IFT56: variants seen among roughly 807,000 people sequenced by gnomAD.
The protein encoded by IFT56 is intraflagellar transport 56.
At chr7:139,189,483 A>G in the IFT56 span, 2 of 1,272,928 alleles carry the variant, frequency 1.6e-6, no homozygotes, top group Non-Finnish European at 2.3e-6. Flanking sequence ...TAAAACTGGA[A>G]ATCATTTTCA....
At chr7:139,160,667 A>C in the IFT56 span, among the ~76,000 whole-genome samples, 2 of 152,032 alleles carry the variant, frequency 1.3e-5, no homozygotes, top group Admixed American at 1.3e-4. Flanking sequence ...CGATCTGTTG[A>C]CTTTGTGATC....
the IFT56 span, chr7:139,181,086 T>C: frequency 1.3e-6 from 2 of 1,572,358 alleles, no homozygotes; most frequent in East Asian, 4.5e-5. Flanking sequence ...TTGTTTCCTT[T>C]TGCAGATATT....
the IFT56 span, among the ~76,000 whole-genome samples, chr7:139,175,890 C>G: frequency 1.3e-4 from 20 of 152,190 alleles, no homozygotes; most frequent in Admixed American, 5.2e-4. Flanking sequence ...AATGCGGTGG[C>G]ATGATTTCGG....
At chr7:139,186,069 G>A in the IFT56 span, among the ~76,000 whole-genome samples, 1 of 152,060 alleles carries the variant, frequency 6.6e-6, no homozygotes, top group Non-Finnish European at 1.5e-5. Context: ...CATAAAGAGA[G>A]TTGCCCAGCA....
At chr7:139,166,756 C>A in the IFT56 span, 1 of 711,200 alleles carries the variant, frequency 1.4e-6, no homozygotes, top group Non-Finnish European at 2.5e-6. Flanking sequence ...TATTTAAGTA[C>A]TGAAGGATCT....
At chr7:139,134,003 G>C in the IFT56 span, 1 of 988,800 alleles carries the variant, frequency 1.0e-6, no homozygotes, top group East Asian at 2.4e-5. Context: ...ACGGGGGACA[G>C]GGATGCAACT....
the IFT56 span, among the ~76,000 whole-genome samples, chr7:139,188,808 T>A: frequency 9.2e-5 from 14 of 152,384 alleles, no homozygotes; most frequent in Non-Finnish European, 1.8e-4. Context: ...ATTTTATTCA[T>A]GTATTATTTT....
the IFT56 span, chr7:139,169,431 T>C: frequency 7.8e-7 from 1 of 1,290,256 alleles, no homozygotes; most frequent in South Asian, 1.2e-5. Flanking sequence ...TGATTCTCTG[T>C]CTAGGGATGT....
chr7:139,175,554 A>T, the IFT56 span, among the ~76,000 whole-genome samples: 1 of 152,216 alleles, frequency 6.6e-6, no homozygotes, highest in Non-Finnish European at 1.5e-5. Flanking sequence ...CATAAAAAGG[A>T]TGAGATGAGA....
the IFT56 span, chr7:139,160,885 C>A: frequency 8.3e-7 from 1 of 1,203,326 alleles, no homozygotes; most frequent in Non-Finnish European, 1.2e-6. Context: ...ACCATTGTGT[C>A]AATATGTGGT....
At chr7:139,172,975 G>A in the IFT56 span, 2 of 727,908 alleles carry the variant, frequency 2.7e-6, no homozygotes, top group Non-Finnish European at 5.2e-6. Flanking sequence ...CTTGGGCTGA[G>A]GTGAGGTGCT....
At chr7:139,178,712 T>C in the IFT56 span, 8 of 908,314 alleles carry the variant, frequency 8.8e-6, no homozygotes, top group Non-Finnish European at 1.4e-5. Context: ...TCCTCTGTTC[T>C]TAGGATGCAT....
chr7:139,147,364 A>G, the IFT56 span: 3 of 1,330,072 alleles, frequency 2.3e-6, no homozygotes, highest in Non-Finnish European at 3.1e-6. Flanking sequence ...TTGAGAATCT[A>G]GTGTCCTCTG....
chr7:139,182,930 C>A, the IFT56 span, among the ~76,000 whole-genome samples: 1 of 152,086 alleles, frequency 6.6e-6, no homozygotes, highest in Non-Finnish European at 1.5e-5. Flanking sequence ...AGAATAGAGT[C>A]AGATTACAAA....
At chr7:139,142,781 G>A in the IFT56 span, among the ~76,000 whole-genome samples, 20,704 of 152,036 alleles carry the variant, frequency 0.14, 2,736 homozygotes, top group African/African-American at 0.3. Context: ...GCAGTGAGCC[G>A]AGATCGTGCC....
chr7:139,169,344 G>T, the IFT56 span: 1 of 1,614,002 alleles, frequency 6.2e-7, no homozygotes, highest in East Asian at 2.2e-5. Flanking sequence ...GGATCAGCTA[G>T]TGAATGTGGT....
chr7:139,147,092 C>A, the IFT56 span: 1 of 1,604,364 alleles, frequency 6.2e-7, no homozygotes, highest in South Asian at 1.1e-5. Flanking sequence ...ATTGATTTCT[C>A]TAACAACACT....
the IFT56 span, among the ~76,000 whole-genome samples, chr7:139,143,508 C>T: frequency 5.3e-5 from 8 of 152,088 alleles, 2 homozygotes; most frequent in African/African-American, 1.9e-4. Flanking sequence ...TTTTGGGTAG[C>T]ATTTGCCTAT....
At chr7:139,168,164 G>T in the IFT56 span, among the ~76,000 whole-genome samples, 4 of 152,128 alleles carry the variant, frequency 2.6e-5, no homozygotes, top group Non-Finnish European at 4.4e-5. Flanking sequence ...ATACTTGGCT[G>T]CTGGAAACTA....
Sources: allele counts gnomAD v4.1 joint callset (sites outside exome capture counted in the v4.1 genomes callset), GRCh38; gene constraint gnomAD v4.1.1; transcripts MANE v1.5; gene names NCBI Gene and HGNC (gene_info 2026-07-23, HGNC 2026-07-21).